The following GRM7 variants were observed in gnomAD, a reference collection of about 807,000 sequenced individuals.
The protein encoded by GRM7 is glutamate metabotropic receptor 7.
Under a neutral mutation model 84.5 loss-of-function variants are expected in GRM7, and 35 were observed. The observed-to-expected ratio is 0.41, with a 90% CI of 0.32 to 0.55. The LOEUF (loss-of-function observed/expected upper bound fraction) is 0.55. Ranked by LOEUF, GRM7 falls within the 20% of genes least tolerant of loss-of-function variation. The pLI is 0.19. For missense variants in GRM7, 1,003 were observed against 1,194.6 expected (o/e 0.84, Z 2.36); for synonymous variants, 487 against 455.1 (o/e 1.07, Z -0.89).
At chr3:7,034,756 G>A (rs1247692717) in intron 1 of GRM7, among the ~76,000 whole-genome samples, 1 of 152,164 alleles carries the variant, frequency 6.6e-6, no homozygotes, top group African/African-American at 2.4e-5. Context: ...GCAGTTAAAG[G>A]GTGACTGGTG....
chr3:7,422,109 C>G (rs186335972), intron 5 of GRM7, among the ~76,000 whole-genome samples: 1 of 151,936 alleles, frequency 6.6e-6, no homozygotes, highest in East Asian at 2.0e-4. Context: ...ACTCAAAAAA[C>G]AGGGCCATAG....
rs934277059 is a variant in GRM7, at chr3:7,486,013, T to C, written c.1515+24291T>C. Among the ~76,000 whole-genome samples, 3 of 152,102 alleles carry C rather than the reference T, an allele frequency of 2.0e-5. No homozygotes were observed. Among genetic ancestry groups the C allele is most frequent in the Non-Finnish European group, 4.4e-5 (3 of 67,998 alleles). On this transcript the variant is annotated intron_variant, in intron 7 of 9. Transcript: ENST00000357716. The surrounding 1 kb of genome is among the most constrained non-coding windows in gnomAD (Gnocchi z 5.5). ...GTGTAAGGGCACATATATAAACAAATACAGTAAATGTGTATTTATTTACAT... is the reference window on the plus strand; with the variant it reads ...GTGTAAGGGCACATATATAAACAAACACAGTAAATGTGTATTTATTTACAT...
chr3:7,580,788 G>C (rs1230355233), intron 8 of GRM7, among the ~76,000 whole-genome samples: 1 of 151,994 alleles, frequency 6.6e-6, no homozygotes, highest in Admixed American at 6.6e-5. Context: ...TATGTTTACT[G>C]TCTGTGAAAC....
At chr3:7,034,505 A>G (rs1360247970) in intron 1 of GRM7, among the ~76,000 whole-genome samples, 4 of 152,246 alleles carry the variant, frequency 2.6e-5, no homozygotes, top group Admixed American at 1.3e-4. Flanking sequence ...AAGCAATTTC[A>G]TACATATGTT....
rs1289379622 is a variant in GRM7, at chr3:7,151,987, T to C, written c.736+5319T>C. ...ACACATTTTAAAACTAGGTAGATTA[T>C]TTTCCTAATGAGGTGTTTGGTGGTT... On this transcript the variant is annotated intron_variant, in intron 2 of 9. Transcript: ENST00000357716. This position sits in a 1 kb window ranked among gnomAD's most constrained non-coding sequence, Gnocchi z 4.5. 6.6e-6 allele frequency among the ~76,000 whole-genome samples: 1 copy of C among 152,176 alleles called. No homozygotes were observed. The highest frequency in any genetic ancestry group is 1.9e-4 in the East Asian group (1 of 5,194).
intron 4 of GRM7, among the ~76,000 whole-genome samples, chr3:7,379,006 C>T (rs1435740984): frequency 6.6e-6 from 1 of 152,126 alleles, no homozygotes; most frequent in Non-Finnish European, 1.5e-5. Context: ...TAGAAAATAC[C>T]TTTATAACGT....
chr3:7,583,115 A>G (rs1369439546), intron 8 of GRM7, among the ~76,000 whole-genome samples: 1 of 152,214 alleles, frequency 6.6e-6, no homozygotes, highest in Non-Finnish European at 1.5e-5. Flanking sequence ...CCACAAAGAC[A>G]AAGTCAAGGA....
intron 2 of GRM7, among the ~76,000 whole-genome samples, chr3:7,158,072 G>C (rs573611016): frequency 2.0e-5 from 3 of 152,258 alleles, no homozygotes; most frequent in South Asian, 2.1e-4. Context: ...AGAGTCTACT[G>C]TTTGTTGTTC....
intron 1 of GRM7, among the ~76,000 whole-genome samples, chr3:7,067,940 G>A (rs6777438): frequency 0.11 from 17,336 of 151,826 alleles, 1,541 homozygotes; most frequent in African/African-American, 0.25. Flanking sequence ...TCAATTAAAC[G>A]TAAAGAACTC....
intron 9 of GRM7, among the ~76,000 whole-genome samples, chr3:7,707,556 A>G (rs1701429235): frequency 6.6e-6 from 1 of 152,218 alleles, no homozygotes; most frequent in Admixed American, 6.6e-5. Flanking sequence ...TTAAGTGGGC[A>G]CAGTCATTGG....
At chr3:7,365,645 G>GTA (rs201115893) in intron 4 of GRM7, among the ~76,000 whole-genome samples, 40,783 of 123,326 alleles carry the variant, frequency 0.33, 6,218 homozygotes, top group East Asian at 0.5. Flanking sequence ...GTGTGCGTGT[G>GTA]TGTATATATA....
chr3:7,701,848 C>T (rs549034576), intron 9 of GRM7, among the ~76,000 whole-genome samples: 120 of 152,286 alleles, frequency 7.9e-4, no homozygotes, highest in Non-Finnish European at 1.5e-3. Context: ...CATTTTTAGA[C>T]ACTAAGCTCC....
chr3:6,914,491 C>G (rs13317430), intron 1 of GRM7, among the ~76,000 whole-genome samples: 12,016 of 152,092 alleles, frequency 0.079, 552 homozygotes, highest in Middle Eastern at 0.11. Flanking sequence ...CAACCTCTGC[C>G]TCCCGGGTTC....
intron 7 of GRM7, among the ~76,000 whole-genome samples, chr3:7,474,868 C>T (rs979923106): frequency 6.6e-6 from 1 of 152,078 alleles, no homozygotes; most frequent in African/African-American, 2.4e-5. Flanking sequence ...TATATGCCTG[C>T]AGGAAAGCAG....
intron 1 of GRM7, among the ~76,000 whole-genome samples, chr3:7,144,832 A>AG (rs1183147386): frequency 6.6e-6 from 1 of 152,188 alleles, no homozygotes; most frequent in Non-Finnish European, 1.5e-5. Context: ...CTCAGGTAGA[A>AG]GGACCCATCA....
intron 2 of GRM7, among the ~76,000 whole-genome samples, chr3:7,231,615 T>C (rs1697198370): frequency 6.6e-6 from 1 of 152,216 alleles, no homozygotes; most frequent in South Asian, 2.1e-4. Flanking sequence ...TGGCATTTAC[T>C]GGCTTATGAT....
intron 5 of GRM7, among the ~76,000 whole-genome samples, chr3:7,424,279 T>C (rs778497931): frequency 6.6e-6 from 1 of 152,012 alleles, no homozygotes. Flanking sequence ...GATCCTACTT[T>C]TGGCCTTCGT....
intron 7 of GRM7, among the ~76,000 whole-genome samples, chr3:7,474,572 C>T (rs1183129575): frequency 6.6e-6 from 1 of 152,046 alleles, no homozygotes; most frequent in Non-Finnish European, 1.5e-5. Context: ...AAACAAGTTC[C>T]AGCTAATCTT....
chr3:6,998,337 C>T (rs76256721), intron 1 of GRM7, among the ~76,000 whole-genome samples: 1,525 of 152,236 alleles, frequency 0.01, 28 homozygotes, highest in African/African-American at 0.035. Context: ...GGTGGGCTGT[C>T]ATGACCTTGG....
Sources: allele counts gnomAD v4.1 joint callset (sites outside exome capture counted in the v4.1 genomes callset), GRCh38; gene constraint gnomAD v4.1.1; non-coding constraint Gnocchi (gnomAD v3.1); transcripts MANE v1.5; gene names NCBI Gene and HGNC (gene_info 2026-07-23, HGNC 2026-07-21).